The following MRFAP1L1 variants were observed in gnomAD, a reference collection of about 807,000 sequenced individuals.
MRFAP1L1 encodes the protein MORF4 family-associated protein 1-like 1.
A neutral mutation model predicts 10.6 loss-of-function variants in MRFAP1L1; 9 were observed. That is an observed-to-expected ratio of 0.85 (90% CI 0.51 to 1.48). MRFAP1L1 has a LOEUF of 1.48. Among genes scored for constraint, MRFAP1L1 ranks in the 40% most tolerant of loss-of-function variants. MRFAP1L1 has a pLI of 0.00. For missense variants in MRFAP1L1, 177 were observed against 171.4 expected (o/e 1.03, Z -0.18); for synonymous variants, 78 against 70.4 (o/e 1.11, Z -0.54).
At chr4:6,708,866 G>C in intron 1 of MRFAP1L1, 1 of 240,566 alleles carries the variant, frequency 4.2e-6, no homozygotes, top group Non-Finnish European at 8.4e-6. Context: ...GTTCCACTGT[G>C]CTCTATGGCC....
rs1714728704 is a variant in MRFAP1L1, at chr4:6,709,626, G to GC, written c.3dup (p.Arg2AlafsTer12). On this transcript the variant is annotated frameshift_variant, in exon 1 of 2. Transcript: ENST00000320848. LOFTEE classifies it high-confidence loss of function. The stretch of plus-strand genomic sequence containing the variant: ...TCCACCTCGTCTATGTCCAGGGGCC[G>GC]CATCTCCTCCTGCCGCTTCCTCAGT... 1 of 1,610,608 alleles carries GC rather than the reference G, an allele frequency of 6.2e-7. No individual in the cohort carries two copies. Among genetic ancestry groups the GC allele is most frequent in the Non-Finnish European group, 8.5e-7 (1 of 1,177,162 alleles).
chr4:6,709,678 G>A lies in MRFAP1L1; in HGVS notation c.-49C>T. 6.4e-7 allele frequency: 1 copy of A among 1,574,710 alleles called. No homozygotes were observed. The highest frequency in any genetic ancestry group is 1.2e-5 in the South Asian group (1 of 85,930). ...CCGCAGTAGGGGCGTTCTTCTCACC[G>A]GAACCCTCCAAGAACTGGAGATCAG... On this transcript the variant is annotated 5_prime_UTR_variant, in exon 1 of 2. Transcript: ENST00000320848.
rs1315487717 is a variant in MRFAP1L1, at chr4:6,709,822, A to G, written c.-193T>C. 13 of 757,292 alleles carry G rather than the reference A, an allele frequency of 1.7e-5. No homozygotes were observed. Among genetic ancestry groups the G allele is most frequent in the Non-Finnish European group, 2.5e-5 (12 of 477,366 alleles). The allele number at this position is 757,292 out of a possible 1,614,324, so 46.9% of individuals were successfully genotyped here. Reference sequence around the variant, plus strand: ...TTCGCTTCACAACTCTGCGGGAAGAATCGCCGTGGATGCACACAAATAAGC... The same window carrying G: ...TTCGCTTCACAACTCTGCGGGAAGAGTCGCCGTGGATGCACACAAATAAGC... On this transcript the variant is annotated 5_prime_UTR_variant, in exon 1 of 2. Transcript: ENST00000320848.
rs1361478911 is a variant in MRFAP1L1, at chr4:6,708,506, A to G, written c.*153T>C. The G allele has an allele frequency of 1.3e-5, 2 of 152,258 alleles. No homozygotes were observed. Among genetic ancestry groups the G allele is most frequent in the Non-Finnish European group, 2.9e-5 (2 of 68,046 alleles). The allele number at this position is 152,258 out of a possible 1,614,324, so 9.4% of individuals were successfully genotyped here. On this transcript the variant is annotated 3_prime_UTR_variant, in exon 2 of 2. Coordinates refer to ENST00000320848, the MANE Select transcript of MRFAP1L1 (RefSeq NM_203462.3). ...AATCTAAATCCATATCGAGGTCATC[A>G]ATCACTGACCATAAGGGAGACTGTT... is the stretch of plus-strand genomic sequence containing the variant.
rs1714741433 is a variant in MRFAP1L1 at position 6,709,863 on chromosome 4, G to C, written c.-234C>G. The stretch of plus-strand genomic sequence containing the variant: ...ACAAATAAGCGGCCTACAAAATGGA[G>C]TCGCAGCCGTCAACTCGCCCTCGGC... On this transcript the variant is annotated 5_prime_UTR_variant, in exon 1 of 2. Coordinates refer to ENST00000320848, the MANE Select transcript of MRFAP1L1 (RefSeq NM_203462.3). The C allele has an allele frequency of 1.8e-6, 1 of 568,556 alleles. No individual in the cohort carries two copies. The highest frequency in any genetic ancestry group is 3.4e-5 in the Admixed American group (1 of 29,488). 35.2% of individuals were successfully genotyped at this position (568,556 alleles called of 1,614,324 possible).
rs753277042 is a variant in MRFAP1L1 at position 6,709,353 on chromosome 4, C to T, written c.277G>A (p.Val93Met). The T allele has an allele frequency of 1.9e-6, 3 of 1,614,272 alleles. 1 individual carries two copies. The highest frequency in any genetic ancestry group is 2.2e-5 in the South Asian group (2 of 91,090). Residue 93 changes from valine (V) to methionine (M), a missense_variant, in exon 1 of 2, where the codon GTG (valine) becomes ATG (methionine). Physicochemically the swap from Val to Met is conservative, Grantham distance 21. Transcript: ENST00000320848. Reference protein sequence around the residue: ...QHPSGEADERVSELCEKAEEK... With the variant: ...QHPSGEADERMSELCEKAEEK... ...TCAGCCTTCTCGCACAACTCCGACA[C>T]TCTCTCGTCGGCTTCGCCACTCGGG... is the stretch of plus-strand genomic sequence containing the variant.
At position 6,709,796 on chromosome 4, in the gene MRFAP1L1, T is replaced by C; in HGVS notation, c.-167A>G. On this transcript the variant is annotated 5_prime_UTR_variant, in exon 1 of 2. Transcript: ENST00000320848. ...TTTTTCTTCCTTTTAATTGTAAGCC[T>C]TTCGCTTCACAACTCTGCGGGAAGA... 1 of 959,078 alleles carries C rather than the reference T, an allele frequency of 1.0e-6. No individual in the cohort carries two copies. Among genetic ancestry groups the C allele is most frequent in the Non-Finnish European group, 1.5e-6 (1 of 655,682 alleles). The allele number at this position is 959,078 out of a possible 1,614,324, so 59.4% of individuals were successfully genotyped here. A position where few individuals can be genotyped will look rare whatever the true frequency, so the allele number is the denominator to read the frequency against.
Position 6,709,569 on chromosome 4 carries a change from CG to C in MRFAP1L1, c.60del (p.Glu21ArgfsTer101). On this transcript the variant is annotated frameshift_variant, in exon 1 of 2. Coordinates refer to ENST00000320848, the MANE Select transcript of MRFAP1L1 (RefSeq NM_203462.3). LOFTEE classifies it high-confidence loss of function. ...EAPEEVEVLE[P>X]EEDFEQFLLP... is the part of the protein sequence containing the mutation. The stretch of plus-strand genomic sequence containing the variant: ...AGCAGGAACTGCTCGAAATCCTCCT[CG>C]GGCTCCAGCACCTCCACTTCCTCAG... 6.2e-7 allele frequency: 1 copy of C among 1,614,184 alleles called. No homozygotes were observed. The highest frequency in any genetic ancestry group is 8.5e-7 in the Non-Finnish European group (1 of 1,180,002).
At position 6,707,880 on chromosome 4, in the gene MRFAP1L1, T is replaced by C. The variant is rs939105781; in HGVS notation, c.*779A>G. The C allele has an allele frequency of 3.3e-5, 5 of 152,546 alleles. No individual in the cohort carries two copies. The highest frequency in any genetic ancestry group is 1.2e-4 in the African/African-American group (5 of 41,448). 9.4% of individuals were successfully genotyped at this position (152,546 alleles called of 1,614,324 possible). A position where few individuals can be genotyped will look rare whatever the true frequency, so the allele number is the denominator to read the frequency against. ...ACTACCCTGATGAACTGGAAGAGAC[T>C]TTCCAGGCCCTGATAATGTCTTTTC... On this transcript the variant is annotated 3_prime_UTR_variant, in exon 2 of 2. Coordinates refer to ENST00000320848, the MANE Select transcript of MRFAP1L1 (RefSeq NM_203462.3).
intron 1 of MRFAP1L1, 43 bp downstream of exon 1, chr4:6,709,188 A>C: frequency 6.3e-7 from 1 of 1,586,694 alleles, no homozygotes; most frequent in Non-Finnish European, 8.6e-7. Flanking sequence ...GCTTAGGGCG[A>C]CTACTGAGTT....
At chr4:6,708,849 AG>A (rs5855928) in intron 1 of MRFAP1L1, 180,349 of 186,526 alleles carry the variant, frequency 0.97, 87,470 homozygotes, top group Non-Finnish European at 1. Flanking sequence ...CTGCGTTCTC[AG>A]CCTGCGTTCC....
rs1714640511 is a variant in MRFAP1L1 at position 6,707,863 on chromosome 4, G to GA, written c.*795dup. On this transcript the variant is annotated 3_prime_UTR_variant, in exon 2 of 2. Coordinates refer to ENST00000320848, the MANE Select transcript of MRFAP1L1 (RefSeq NM_203462.3). ...TCCAATCTGACAGGTCTACTACCCT[G>GA]ATGAACTGGAAGAGACTTTCCAGGC... 6.6e-6 allele frequency: 1 copy of GA among 152,446 alleles called. No homozygotes were observed. Among genetic ancestry groups the GA allele is most frequent in the Non-Finnish European group, 1.5e-5 (1 of 68,028 alleles). 9.4% of individuals were successfully genotyped at this position (152,446 alleles called of 1,614,324 possible). A position where few individuals can be genotyped will look rare whatever the true frequency, so the allele number is the denominator to read the frequency against.
At chr4:6,708,898 C>G (rs1347926344) in intron 1 of MRFAP1L1, 1 of 274,980 alleles carries the variant, frequency 3.6e-6, no homozygotes, top group East Asian at 8.5e-5. Context: ...TGGCTTTCCC[C>G]AAACTCCCTT....
rs1209593935 is a variant in MRFAP1L1 at position 6,708,633 on chromosome 4, C to CA, written c.*25dup. 1.3e-5 allele frequency: 2 copies of CA among 153,464 alleles called. No individual in the cohort carries two copies. Among genetic ancestry groups the CA allele is most frequent in the Non-Finnish European group, 2.9e-5 (2 of 68,842 alleles). The allele number at this position is 153,464 out of a possible 1,614,324, so 9.5% of individuals were successfully genotyped here. A position where few individuals can be genotyped will look rare whatever the true frequency, so the allele number is the denominator to read the frequency against. ...ATCCTTACCAGTTGACTACAGTCCT[C>CA]AGCTGTGAACCTAAAGCACAATTGG... is the stretch of plus-strand genomic sequence containing the variant. On this transcript the variant is annotated 3_prime_UTR_variant, in exon 2 of 2. Coordinates refer to ENST00000320848, the MANE Select transcript of MRFAP1L1 (RefSeq NM_203462.3).
chr4:6,709,637 T>A lies in MRFAP1L1; in HGVS notation c.-8A>T. The stretch of plus-strand genomic sequence containing the variant: ...TATGTCCAGGGGCCGCATCTCCTCC[T>A]GCCGCTTCCTCAGTACCGCAGTAGG... On this transcript the variant is annotated 5_prime_UTR_variant, in exon 1 of 2. Coordinates refer to ENST00000320848, the MANE Select transcript of MRFAP1L1 (RefSeq NM_203462.3). 6.2e-7 allele frequency: 1 copy of A among 1,609,234 alleles called. No individual in the cohort carries two copies.
In MRFAP1L1 at chr4:6,708,606, T is replaced by C. The variant is rs896102550; in HGVS notation, c.*53A>G. 1.3e-5 allele frequency: 2 copies of C among 152,620 alleles called. No homozygotes were observed. Among genetic ancestry groups the C allele is most frequent in the East Asian group, 3.9e-4 (2 of 5,186 alleles). The allele number at this position is 152,620 out of a possible 1,614,324, so 9.5% of individuals were successfully genotyped here. A position where few individuals can be genotyped will look rare whatever the true frequency, so the allele number is the denominator to read the frequency against. ...GTTTCAGTTTCCTCAAGGTGTCAGT[T>C]CATCCTTACCAGTTGACTACAGTCC... On this transcript the variant is annotated 3_prime_UTR_variant, in exon 2 of 2. Coordinates refer to ENST00000320848, the MANE Select transcript of MRFAP1L1 (RefSeq NM_203462.3).
rs1714653035 is a variant in MRFAP1L1 at position 6,708,154 on chromosome 4, T to G, written c.*505A>C. On this transcript the variant is annotated 3_prime_UTR_variant, in exon 2 of 2. Transcript: ENST00000320848. ...GTTCCAAAATATATACAAAACCATC[T>G]TCCATCTCCAACTGTCTTCTCTTTC... 1 of 152,660 alleles carries G rather than the reference T, an allele frequency of 6.6e-6. No homozygotes were observed. The allele number at this position is 152,660 out of a possible 1,614,324, so 9.5% of individuals were successfully genotyped here. A position where few individuals can be genotyped will look rare whatever the true frequency, so the allele number is the denominator to read the frequency against.
chr4:6,709,823 T>C lies in MRFAP1L1; in HGVS notation c.-194A>G. ...TCGCTTCACAACTCTGCGGGAAGAA[T>C]CGCCGTGGATGCACACAAATAAGCG... On this transcript the variant is annotated 5_prime_UTR_variant, in exon 1 of 2. Transcript: ENST00000320848. 5 of 760,998 alleles carry C rather than the reference T, an allele frequency of 6.6e-6. No homozygotes were observed. The South Asian group carries it at 8.4e-5, about 13-fold the overall frequency. The allele number at this position is 760,998 out of a possible 1,614,324, so 47.1% of individuals were successfully genotyped here.
In MRFAP1L1 at chr4:6,708,293, G is replaced by C. The variant is rs1714659949; in HGVS notation, c.*366C>G. On this transcript the variant is annotated 3_prime_UTR_variant, in exon 2 of 2. Coordinates refer to ENST00000320848, the MANE Select transcript of MRFAP1L1 (RefSeq NM_203462.3). ...TTGGAAGATTCTGATCCCACGTCTT[G>C]ACGTGTTCCAAAAAACAATCAGGTC... The C allele has an allele frequency of 1.3e-5, 2 of 152,552 alleles. No individual in the cohort carries two copies. Among genetic ancestry groups the C allele is most frequent in the Admixed American group, 1.3e-4 (2 of 15,284 alleles). 9.4% of individuals were successfully genotyped at this position (152,552 alleles called of 1,614,324 possible).
Sources: gnomAD v4.1 joint callset for allele counts on GRCh38, gnomAD v4.1.1 for gene constraint, MANE v1.5 for transcripts, NCBI Gene and HGNC (gene_info 2026-07-23, HGNC 2026-07-21) for gene names.